LARGE1: variants seen among roughly 807,000 people sequenced by gnomAD.
LARGE1 encodes the protein xylosyl- and glucuronyltransferase LARGE1.
A neutral mutation model predicts 87.6 loss-of-function variants in LARGE1; 43 were observed. The ratio of observed to expected loss-of-function variants is 0.49; its 90% CI spans 0.38 to 0.63. LARGE1 has a LOEUF of 0.63. Ranked by LOEUF, LARGE1 falls within the 30% of genes least tolerant of loss-of-function variation. The probability of loss-of-function intolerance (pLI) is 0.00; values close to 1 mark genes in which losing one functional copy is unlikely to be tolerated. For synonymous variants in LARGE1, 434 were observed against 394.6 expected (o/e 1.10, Z -1.18); for missense variants, 802 against 1,000.2 (o/e 0.80, Z 2.67).
intron 9 of LARGE1, among the ~76,000 whole-genome samples, chr22:33,347,804 T>C (rs1939931374): frequency 6.6e-6 from 1 of 152,080 alleles, no homozygotes; most frequent in Non-Finnish European, 1.5e-5. Flanking sequence ...CCTAAGTACT[T>C]TGCAAAGAAC....
intron 6 of LARGE1, among the ~76,000 whole-genome samples, chr22:33,477,563 C>A (rs539509093): frequency 8.5e-5 from 13 of 152,168 alleles, no homozygotes; most frequent in African/African-American, 2.4e-4. Context: ...CAGAATACCC[C>A]CAAAGCTTGC....
chr22:33,740,350 T>C (rs536326778), intron 2 of LARGE1, among the ~76,000 whole-genome samples: 1 of 152,354 alleles, frequency 6.6e-6, no homozygotes, highest in East Asian at 1.9e-4. Context: ...AGTCCTTCCC[T>C]GCAAAAGAAG....
Position 33,670,594 on chromosome 22 carries a change from G to A in LARGE1, c.107-19926C>T, listed in dbSNP as rs117225223. 1.8e-4 allele frequency among the ~76,000 whole-genome samples: 28 copies of A among 152,280 alleles called. No homozygotes were observed. The East Asian group carries it at 5.0e-3, about 27-fold the overall frequency. ...CAATTCTCAGCACATGCTGGACACA[G>A]CCTCAACTATTAGCTCGAGGTAGTT... On this transcript the variant is annotated intron_variant, in intron 2 of 14. Coordinates refer to ENST00000397394, the MANE Select transcript of LARGE1 (RefSeq NM_133642.5).
Position 33,202,411 on chromosome 22 carries a change from C to T in LARGE1, c.1731-35579G>A, listed in dbSNP as rs16991962. Among the ~76,000 whole-genome samples, 986 of 152,320 alleles carry T rather than the reference C, an allele frequency of 6.5e-3. 48 individuals carry two copies. In the South Asian group the frequency reaches 0.12, roughly 18 times the overall value. The stretch of plus-strand genomic sequence containing the variant: ...TACACGAGAACTGTCCTTCCTCTCT[C>T]AGGCATGAAACCATAGGCCAGCTTG... On this transcript the variant is annotated intron_variant, in intron 11 of 11. Transcript: ENST00000608642.
At chr22:33,878,125 A>ATT (rs1601836110) in intron 1 of LARGE1, among the ~76,000 whole-genome samples, 4 of 51,226 alleles carry the variant, frequency 7.8e-5, no homozygotes, top group African/African-American at 2.1e-4. Flanking sequence ...TTTATATTGT[A>ATT]TTTCTTTTTT....
chr22:33,425,117 C>A (rs913763417), intron 7 of LARGE1, among the ~76,000 whole-genome samples: 1 of 152,116 alleles, frequency 6.6e-6, no homozygotes, highest in Non-Finnish European at 1.5e-5. Flanking sequence ...CAAAAATTAG[C>A]CAGGTGTGGT....
At chr22:33,210,981 G>A (rs757251411) in intron 11 of LARGE1, among the ~76,000 whole-genome samples, 5 of 152,186 alleles carry the variant, frequency 3.3e-5, no homozygotes, top group African/African-American at 9.7e-5. Context: ...TTTATAAATC[G>A]AAGGTTTGTG....
At chr22:33,687,333 TA>T in intron 2 of LARGE1, among the ~76,000 whole-genome samples, 1 of 151,884 alleles carries the variant, frequency 6.6e-6, no homozygotes, top group South Asian at 2.1e-4. Flanking sequence ...TCTGACCTTC[TA>T]AAATCCTACT....
At chr22:33,614,453 GTACAATA>G (rs754833393) in intron 4 of LARGE1, among the ~76,000 whole-genome samples, 12 of 151,998 alleles carry the variant, frequency 7.9e-5, no homozygotes, top group Non-Finnish European at 2.9e-5. Context: ...CTTGCTCACT[GTACAATA>G]TATAAGCCCC....
At chr22:33,289,611 A>G (rs741978) in intron 12 of LARGE1, among the ~76,000 whole-genome samples, 11,168 of 152,192 alleles carry the variant, frequency 0.073, 1,361 homozygotes, top group African/African-American at 0.26. Flanking sequence ...AGAGAAGTCA[A>G]CATACTACTT....
At chr22:33,462,393 C>T (rs2068417276) in intron 6 of LARGE1, among the ~76,000 whole-genome samples, 1 of 152,012 alleles carries the variant, frequency 6.6e-6, no homozygotes, top group Admixed American at 6.6e-5. Context: ...AAAAGATATA[C>T]TTCAGGAGGA....
intron 10 of LARGE1, among the ~76,000 whole-genome samples, chr22:33,329,970 G>T (rs1937537192): frequency 6.6e-6 from 1 of 151,550 alleles, no homozygotes; most frequent in South Asian, 2.1e-4. Context: ...GAGGTGGAAG[G>T]ATCCTTATTT....
intron 2 of LARGE1, among the ~76,000 whole-genome samples, chr22:33,720,038 G>A (rs2083048604): frequency 6.6e-6 from 1 of 152,054 alleles, no homozygotes; most frequent in Non-Finnish European, 1.5e-5. Context: ...GGAAGGGGAT[G>A]GTTTGGGGAT....
chr22:33,246,647 A>T (rs960335683), intron 11 of LARGE1, among the ~76,000 whole-genome samples: 4 of 152,236 alleles, frequency 2.6e-5, no homozygotes, highest in African/African-American at 9.7e-5. Flanking sequence ...CTCCATCTAA[A>T]AAATAAATAA....
intron 2 of LARGE1, among the ~76,000 whole-genome samples, chr22:33,731,773 T>A (rs1170361287): frequency 3.3e-5 from 5 of 152,216 alleles, no homozygotes; most frequent in Non-Finnish European, 2.9e-5. Flanking sequence ...GATTATAGAC[T>A]GTGGTAATGG....
intron 6 of LARGE1, among the ~76,000 whole-genome samples, chr22:33,476,105 A>G (rs1161641787): frequency 6.6e-6 from 1 of 152,246 alleles, no homozygotes; most frequent in Non-Finnish European, 1.5e-5. Context: ...TGTGAAACTC[A>G]ATATCTTTAT....
chr22:33,252,952 TTCTC>T (rs1293659395), intron 11 of LARGE1, among the ~76,000 whole-genome samples: 4 of 152,334 alleles, frequency 2.6e-5, no homozygotes, highest in East Asian at 1.9e-4. Flanking sequence ...ATCAGACTCT[TTCTC>T]TCAGCAATTT....
At chr22:33,831,472 C>A (rs942203038) in intron 1 of LARGE1, among the ~76,000 whole-genome samples, 1 of 152,104 alleles carries the variant, frequency 6.6e-6, no homozygotes. Context: ...GCCGTGAGGA[C>A]GGAGTGGGAG....
chr22:33,858,097 G>A (rs1037398073), intron 1 of LARGE1, among the ~76,000 whole-genome samples: 10 of 152,160 alleles, frequency 6.6e-5, no homozygotes, highest in East Asian at 3.8e-4. Flanking sequence ...CACGAGTCAC[G>A]GAAGAGAACC....
Sources: gnomAD v4.1 joint callset for allele counts (sites outside exome capture counted in the v4.1 genomes callset) on GRCh38, gnomAD v4.1.1 for gene constraint, MANE v1.5 for transcripts, NCBI Gene and HGNC (gene_info 2026-07-23, HGNC 2026-07-21) for gene names.